Variants in PTPRD observed in about 807,000 individuals in gnomAD.
PTPRD encodes the protein receptor-type tyrosine-protein phosphatase delta.
Under a neutral mutation model 214.5 loss-of-function variants are expected in PTPRD, and 34 were observed. That is an observed-to-expected ratio of 0.16 (90% confidence interval 0.12 to 0.21). The LOEUF (loss-of-function observed/expected upper bound fraction) is 0.21. PTPRD is among the 10% of genes least tolerant of loss of function. The probability of loss-of-function intolerance (pLI) is 1.00; values close to 1 mark genes in which losing one functional copy is unlikely to be tolerated. For synonymous variants in PTPRD, 1,128 were observed against 845.7 expected (o/e 1.33, Z -5.79); for missense variants, 2,545 against 2,398.7 (o/e 1.06, Z -1.27).
intron 6 of PTPRD, among the ~76,000 whole-genome samples, chr9:9,741,465 ATGATTATAC>A (rs1432121524): frequency 3.8e-5 from 4 of 104,874 alleles, no homozygotes; most frequent in Non-Finnish European, 7.0e-5. Flanking sequence ...TTTTTAAATT[ATGATTATAC>A]TTATAAGTTC....
chr9:9,698,813 T>C (rs151070983), intron 7 of PTPRD, among the ~76,000 whole-genome samples: 139 of 152,304 alleles, frequency 9.1e-4, no homozygotes, highest in African/African-American at 2.9e-3. Context: ...GCCTGGAAGA[T>C]TTGAGAAAGG....
At chr9:8,517,658 G>T (rs1207707867) in intron 21 of PTPRD, among the ~76,000 whole-genome samples, 190 bp downstream of exon 21, 1 of 152,152 alleles carries the variant, frequency 6.6e-6, no homozygotes, top group Non-Finnish European at 1.5e-5. Context: ...GCATTGTTCT[G>T]CTCAAAATGA....
chr9:9,206,065 T>C (rs1249346694), intron 9 of PTPRD, among the ~76,000 whole-genome samples: 1 of 152,176 alleles, frequency 6.6e-6, no homozygotes, highest in Non-Finnish European at 1.5e-5. Flanking sequence ...GTTATGGAGA[T>C]AATTGGGGGA....
chr9:10,040,916 T>C (rs2097286015), intron 3 of PTPRD, among the ~76,000 whole-genome samples: 1 of 152,066 alleles, frequency 6.6e-6, no homozygotes, highest in Non-Finnish European at 1.5e-5. Context: ...CTCCACCCTC[T>C]TGCTAACCAA....
chr9:10,611,069 A>T (rs1332223872), intron 2 of PTPRD, among the ~76,000 whole-genome samples: 1 of 152,188 alleles, frequency 6.6e-6, no homozygotes, highest in East Asian at 1.9e-4. Context: ...TTATTGAAAG[A>T]AATTCTCTGA....
At chr9:9,533,877 A>C (rs1301364133) in intron 8 of PTPRD, among the ~76,000 whole-genome samples, 1 of 152,074 alleles carries the variant, frequency 6.6e-6, no homozygotes. Flanking sequence ...TGTTGAAAAA[A>C]TTTAAAATAT....
intron 11 of PTPRD, among the ~76,000 whole-genome samples, chr9:8,825,893 C>T (rs1395434262): frequency 3.9e-5 from 6 of 152,080 alleles, no homozygotes; most frequent in Admixed American, 3.9e-4. Context: ...ACAATTGTTG[C>T]CATTTTGGTG....
intron 9 of PTPRD, among the ~76,000 whole-genome samples, chr9:9,214,742 AAAT>A (rs1415107903): frequency 6.6e-6 from 1 of 152,166 alleles, no homozygotes; most frequent in African/African-American, 2.4e-5. Context: ...TACATTATAA[AAAT>A]AATATTCATA....
intron 39 of PTPRD, among the ~76,000 whole-genome samples, chr9:8,349,890 G>T (rs530035075): frequency 6.7e-6 from 1 of 148,814 alleles, no homozygotes; most frequent in Non-Finnish European, 1.5e-5. Flanking sequence ...CTCTATATTT[G>T]TTTGACTTCA....
At chr9:10,511,077 A>G (rs928110759) in intron 2 of PTPRD, among the ~76,000 whole-genome samples, 1 of 152,160 alleles carries the variant, frequency 6.6e-6, no homozygotes, top group African/African-American at 2.4e-5. Context: ...CATACATGTT[A>G]TTGTGTGAAC....
chr9:8,346,936 A>G (rs900337190), intron 39 of PTPRD, among the ~76,000 whole-genome samples: 1 of 152,148 alleles, frequency 6.6e-6, no homozygotes, highest in Non-Finnish European at 1.5e-5. Flanking sequence ...CTACGGCCAC[A>G]GTATGTGATA....
chr9:10,058,372 T>G (rs1449115276), intron 3 of PTPRD, among the ~76,000 whole-genome samples: 1 of 152,086 alleles, frequency 6.6e-6, no homozygotes, highest in Non-Finnish European at 1.5e-5. Context: ...AAATTCTTGG[T>G]AAACAACTCA....
At chr9:9,422,049 T>C (rs2079018684) in intron 8 of PTPRD, among the ~76,000 whole-genome samples, 1 of 152,096 alleles carries the variant, frequency 6.6e-6, no homozygotes. Context: ...TTGACATCTA[T>C]GGACAGGTAT....
intron 30 of PTPRD, among the ~76,000 whole-genome samples, chr9:8,474,016 C>G (rs886342476): frequency 6.6e-6 from 1 of 152,170 alleles, no homozygotes; most frequent in Non-Finnish European, 1.5e-5. Flanking sequence ...CCTTGCCTTA[C>G]CCGCAACCTG....
intron 3 of PTPRD, among the ~76,000 whole-genome samples, chr9:10,239,548 TTTGCAAAA>T (rs1190220351): frequency 6.8e-6 from 1 of 147,074 alleles, no homozygotes; most frequent in East Asian, 1.9e-4. Flanking sequence ...TGAAAGGGAA[TTTGCAAAA>T]TATATGTTAA....
intron 11 of PTPRD, among the ~76,000 whole-genome samples, chr9:8,868,594 C>T (rs1348385747): frequency 5.3e-5 from 8 of 152,076 alleles, no homozygotes; most frequent in African/African-American, 1.7e-4. Flanking sequence ...GAGCACAATT[C>T]GAAAATCACT....
chr9:10,065,797 G>A (rs550140517), intron 3 of PTPRD, among the ~76,000 whole-genome samples: 5 of 151,914 alleles, frequency 3.3e-5, no homozygotes, highest in South Asian at 2.1e-4. Context: ...AGTATTTTCC[G>A]GTGATTAAGA....
chr9:8,806,760 G>A (rs2096691087), intron 11 of PTPRD, among the ~76,000 whole-genome samples: 1 of 152,118 alleles, frequency 6.6e-6, no homozygotes, highest in African/African-American at 2.4e-5. Context: ...TTTAATAGAA[G>A]ATACTTAGAT....
chr9:9,244,659 G>T (rs537307711), intron 9 of PTPRD, among the ~76,000 whole-genome samples: 1 of 152,112 alleles, frequency 6.6e-6, no homozygotes, highest in Non-Finnish European at 1.5e-5. Context: ...AGACTTAAAT[G>T]TTAGACCAAA....
Sources: allele counts gnomAD v4.1 joint callset (sites outside exome capture counted in the v4.1 genomes callset), GRCh38; gene constraint gnomAD v4.1.1; transcripts MANE v1.5; gene names NCBI Gene and HGNC (gene_info 2026-07-23, HGNC 2026-07-21).